Variants in PTPN22 observed in about 807,000 individuals in gnomAD.
PTPN22 encodes the protein tyrosine-protein phosphatase non-receptor type 22.
PTPN22 carries 85 observed loss-of-function variants against 103.3 expected under a neutral mutation model. The ratio of observed to expected loss-of-function variants is 0.82; its 90% confidence interval spans 0.69 to 0.99. PTPN22 has a LOEUF of 0.99. Ranked by LOEUF, PTPN22 falls within the 50% of genes least tolerant of loss-of-function variation. PTPN22 has a pLI of 0.00. For missense variants in PTPN22, 865 were observed against 936.9 expected, an observed-to-expected ratio of 0.92 and a Z score of 1.00; for synonymous variants, 323 against 310.2, an observed-to-expected ratio of 1.04 and a Z score of -0.43.
At chr1:113,858,379 A>C in intron 4 of PTPN22, 99 bp downstream of exon 4, 1 of 779,536 alleles carries the variant, frequency 1.3e-6, no homozygotes, top group Non-Finnish European at 2.0e-6. Context: ...GATTCTGACT[A>C]AAAGATGCCT....
chr1:113,855,819 G>A (rs1665007828), intron 7 of PTPN22, among the ~76,000 whole-genome samples: 1 of 152,208 alleles, frequency 6.6e-6, no homozygotes, highest in African/African-American at 2.4e-5. Context: ...TGCCTCCAAT[G>A]TGTCACAATC....
rs536809823 is a variant in PTPN22 at position 113,854,162 on chromosome 1, G to A, written c.750+309C>T. Among the ~76,000 whole-genome samples the A allele has an allele frequency of 1.8e-4, 28 of 152,102 alleles. No homozygotes were observed. In the East Asian group the frequency reaches 3.9e-3, roughly 21 times the overall value. On this transcript the variant is annotated intron_variant, in intron 9 of 20. Transcript: ENST00000359785. Reference sequence around the variant, plus strand: ...ATTACAGGCGTGAGCCACTGTGCCCGGCCTAAATTTTCAAATAGACACATT... The same window carrying A: ...ATTACAGGCGTGAGCCACTGTGCCCAGCCTAAATTTTCAAATAGACACATT...
At chr1:113,858,270 C>T (rs1665248302) in intron 4 of PTPN22, among the ~76,000 whole-genome samples, 2 of 152,190 alleles carry the variant, frequency 1.3e-5, no homozygotes, top group South Asian at 2.1e-4. Flanking sequence ...GTTGCCCAGG[C>T]TGGTCTAGAA....
intron 5 of PTPN22, 88 bp from the exon 6 acceptor site, chr1:113,856,707 T>A (rs1047194539): frequency 6.3e-7 from 1 of 1,576,996 alleles, no homozygotes; most frequent in African/African-American, 1.4e-5. Flanking sequence ...CAGCTCTATG[T>A]CCTTCACCTT....
At chr1:113,835,320 C>G (rs1379651056) in intron 13 of PTPN22, among the ~76,000 whole-genome samples, 1 of 152,100 alleles carries the variant, frequency 6.6e-6, no homozygotes, top group African/African-American at 2.4e-5. Flanking sequence ...AGATCGAAAC[C>G]ATCCTGGCTA....
chr1:113,856,240 T>C, intron 7 of PTPN22, 142 bp downstream of exon 7: 1 of 1,225,576 alleles, frequency 8.2e-7, no homozygotes, highest in Non-Finnish European at 1.1e-6. Flanking sequence ...CTCAAAGTTC[T>C]CTTGAATATG....
chr1:113,821,479 G>A (rs111314241), intron 19 of PTPN22, among the ~76,000 whole-genome samples: 2 of 151,934 alleles, frequency 1.3e-5, no homozygotes, highest in Non-Finnish European at 2.9e-5. Flanking sequence ...ATGCCAACAC[G>A]CCTGGGTAAA....
intron 18 of PTPN22, among the ~76,000 whole-genome samples, chr1:113,825,555 A>G (rs1661973560): frequency 6.6e-6 from 1 of 152,128 alleles, no homozygotes; most frequent in African/African-American, 2.4e-5. Context: ...AAAAAATATT[A>G]GCTGAATGTG....
chr1:113,851,969 T>TCC, intron 10 of PTPN22, 58 bp downstream of exon 10: 1 of 1,369,054 alleles, frequency 7.3e-7, no homozygotes. Context: ...TGCCTCACCA[T>TCC]TAAACAGATG....
intron 1 of PTPN22, among the ~76,000 whole-genome samples, chr1:113,862,181 C>A (rs763534742): frequency 5.9e-5 from 9 of 152,038 alleles, no homozygotes; most frequent in Non-Finnish European, 8.8e-5. Context: ...ATTCAGGAGG[C>A]TAAGGCAAGG....
intron 3 of PTPN22, 114 bp downstream of exon 3, chr1:113,858,865 TTGCGTTCAAGTGATCTTTCCGCC>T: frequency 7.1e-7 from 1 of 1,403,022 alleles, no homozygotes; most frequent in Non-Finnish European, 9.4e-7. Context: ...TCTGAAATTC[TTGCGTTCAAGTGATCTTTCCGCC>T]TCAGCCTCCC....
At chr1:113,864,595 A>T (rs1665950362) in intron 1 of PTPN22, among the ~76,000 whole-genome samples, 1 of 143,498 alleles carries the variant, frequency 7.0e-6, no homozygotes, top group Admixed American at 7.2e-5. Context: ...AGCCTAGATG[A>T]CCAAGTGAGG....
intron 4 of PTPN22, 151 bp downstream of exon 4, chr1:113,858,327 C>T (rs982694305): frequency 3.0e-5 from 17 of 573,288 alleles, no homozygotes; most frequent in Non-Finnish European, 5.1e-5. Flanking sequence ...CAGAGTACAC[C>T]TGGCTGAGAA....
At chr1:113,870,582 A>T (rs1017421451) in intron 1 of PTPN22, among the ~76,000 whole-genome samples, 8 of 151,964 alleles carry the variant, frequency 5.3e-5, no homozygotes, top group African/African-American at 1.7e-4. Flanking sequence ...ACCTGAAGCT[A>T]CCTTGTACTC....
intron 18 of PTPN22, among the ~76,000 whole-genome samples, chr1:113,827,190 G>A (rs1662155319): frequency 6.6e-6 from 1 of 152,040 alleles, no homozygotes; most frequent in African/African-American, 2.4e-5. Flanking sequence ...TAACAGAAAT[G>A]TGCTCTTCCA....
At position 113,856,756 on chromosome 1, in the gene PTPN22, A is replaced by G. The variant is rs1035843830; in HGVS notation, c.409-137T>C. The G allele has an allele frequency of 1.7e-5, 18 of 1,029,030 alleles. No individual in the cohort carries two copies. In the African/African-American group the frequency reaches 2.7e-4, roughly 16 times the overall value. The allele number at this position is 1,029,030 out of a possible 1,614,324, so 63.7% of individuals were successfully genotyped here. The stretch of plus-strand genomic sequence containing the variant: ...CTAACCCCTTTGGGCTTCAACCCCT[A>G]CATTATTGGAATCTCCAAAGATGGG... On this transcript the variant is annotated intron_variant, in intron 5 of 20. Transcript: ENST00000359785.
intron 16 of PTPN22, 34 bp downstream of exon 16, chr1:113,833,077 C>T (rs373494084): frequency 3.9e-6 from 6 of 1,542,800 alleles, no homozygotes; most frequent in African/African-American, 2.7e-5. Context: ...AATCTTAGGG[C>T]TAAATGTCAT....
chr1:113,835,170 T>C (rs1662872947), intron 13 of PTPN22, among the ~76,000 whole-genome samples, 177 bp from the exon 14 acceptor site: 1 of 152,198 alleles, frequency 6.6e-6, no homozygotes, highest in Admixed American at 6.5e-5. Context: ...TAAATTCTCT[T>C]AAGGTACAAA....
At chr1:113,851,596 A>G (rs1011006868) in intron 10 of PTPN22, among the ~76,000 whole-genome samples, 1 of 152,164 alleles carries the variant, frequency 6.6e-6, no homozygotes, top group Non-Finnish European at 1.5e-5. Flanking sequence ...GAGCACATAG[A>G]CTGAATTCTC....
Sources: gnomAD v4.1 joint callset for allele counts (sites outside exome capture counted in the v4.1 genomes callset) on GRCh38, gnomAD v4.1.1 for gene constraint, MANE v1.5 for transcripts, NCBI Gene and HGNC (gene_info 2026-07-23, HGNC 2026-07-21) for gene names.